Variants in IQSEC1 observed in about 807,000 individuals in gnomAD.
IQSEC1 encodes the protein IQ motif and SEC7 domain-containing protein 1.
A neutral mutation model predicts 91.0 loss-of-function variants in IQSEC1; 31 were observed. That is an observed-to-expected ratio of 0.34 (90% CI 0.26 to 0.46). The LOEUF (loss-of-function observed/expected upper bound fraction) is 0.46, where lower values mean the gene tolerates loss of function less well. Ranked by LOEUF, IQSEC1 falls within the 20% of genes least tolerant of loss-of-function variation. IQSEC1 has a pLI of 1.00. For missense variants in IQSEC1, 1,388 were observed against 1,575.6 expected (o/e 0.88, Z 2.02); for synonymous variants, 699 against 662.6 (o/e 1.05, Z -0.84).
intron 1 of IQSEC1, among the ~76,000 whole-genome samples, chr3:13,056,060 G>A (rs531437841): frequency 2.0e-5 from 3 of 152,162 alleles, no homozygotes; most frequent in East Asian, 1.9e-4. Context: ...TGAGTGTCTC[G>A]GGTCAGGCCA....
intron 2 of IQSEC1, among the ~76,000 whole-genome samples, chr3:13,143,468 G>A (rs546046263): frequency 1.3e-5 from 2 of 152,350 alleles, no homozygotes; most frequent in South Asian, 2.1e-4. Context: ...AGAGGACGCA[G>A]AGCCTTGGCC....
intron 1 of IQSEC1, among the ~76,000 whole-genome samples, chr3:12,966,450 C>T (rs1026060513): frequency 6.6e-6 from 1 of 152,214 alleles, no homozygotes. Context: ...GCCCCACCCC[C>T]CTGCTCCTCA....
At chr3:13,253,824 T>C (rs536591417) in intron 1 of IQSEC1, among the ~76,000 whole-genome samples, 2 of 152,236 alleles carry the variant, frequency 1.3e-5, no homozygotes, top group Admixed American at 1.3e-4. Flanking sequence ...CACCCATGCT[T>C]TTCCAAGTGC....
intron 1 of IQSEC1, among the ~76,000 whole-genome samples, chr3:13,280,885 G>GGT (rs1695777138): frequency 1.3e-5 from 2 of 152,376 alleles, no homozygotes. Flanking sequence ...GGGGAAGCCA[G>GGT]GTGGACACAG....
chr3:12,955,451 G>A (rs944299153), intron 1 of IQSEC1, among the ~76,000 whole-genome samples: 3 of 152,212 alleles, frequency 2.0e-5, no homozygotes, highest in African/African-American at 7.2e-5. Flanking sequence ...GGGCTGTGAG[G>A]CTCTGGATAG....
intron 12 of IQSEC1, 105 bp from the exon 13 acceptor site, chr3:12,902,927 G>A: frequency 1.3e-5 from 11 of 869,630 alleles, no homozygotes; most frequent in Non-Finnish European, 1.9e-5. Context: ...CCTGCTGGGA[G>A]CAGGCACAGG....
In IQSEC1 at chr3:12,935,994, G is replaced by T; in HGVS notation, c.1022C>A (p.Thr341Lys). The T allele has an allele frequency of 1.2e-6, 2 of 1,600,024 alleles. No individual in the cohort carries two copies. The highest frequency in any genetic ancestry group is 2.2e-5 in the South Asian group (2 of 91,060). ...ALAHKEDKAD[T>K]DTSCRSTPSL... ...CGGCGTGCTCCGGCAGCTCGTGTCC[G>T]TGTCAGCCTTGTCCTCTTTGTGGGC... The change falls in exon 3 of 14, where the codon ACG (threonine) becomes AAG (lysine). Residue 341 changes from threonine to lysine, a missense_variant. Around this residue, in one of 2 missense-constraint regions of IQSEC1, gnomAD observed 1,059 missense variants for 1,317.8 expected, o/e 0.80. Transcript: ENST00000613206. This position sits in a 1 kb window ranked among gnomAD's most constrained non-coding sequence, Gnocchi z 8.0.
chr3:13,154,270 G>A (rs943641485), intron 2 of IQSEC1, among the ~76,000 whole-genome samples: 1 of 150,110 alleles, frequency 6.7e-6, no homozygotes, highest in African/African-American at 2.5e-5. Context: ...GCATGTTCAA[G>A]GCTGTGCACC....
At chr3:12,955,591 TG>T (rs1699851380) in intron 1 of IQSEC1, among the ~76,000 whole-genome samples, 1 of 152,220 alleles carries the variant, frequency 6.6e-6, no homozygotes. Flanking sequence ...CCCCACATGC[TG>T]GGGACCAGAG....
At position 13,087,388 on chromosome 3, in the gene IQSEC1, G is replaced by A. The variant is rs542357316; in HGVS notation, c.303-39866C>T. 1.6e-3 allele frequency among the ~76,000 whole-genome samples: 246 copies of A among 152,316 alleles called. 4 individuals are homozygous for A. Among genetic ancestry groups the A allele is most frequent in the South Asian group, 7.9e-3 (38 of 4,814 alleles). On this transcript the variant is annotated intron_variant, in intron 2 of 15. Coordinates refer to the IQSEC1 transcript ENST00000648114. ...TGGTGCAGGAGAGGCTCTCGGTGCA[G>A]AAAGAGCCCCAGAGTGTGTGCAGGA...
intron 1 of IQSEC1, among the ~76,000 whole-genome samples, chr3:13,238,203 C>T (rs1225700736): frequency 1.3e-5 from 2 of 152,224 alleles, no homozygotes; most frequent in African/African-American, 2.4e-5. Context: ...GGTCACCGCC[C>T]TCCACCTGCT....
At chr3:12,959,312 G>A (rs1048411281) in intron 1 of IQSEC1, among the ~76,000 whole-genome samples, 2 of 152,182 alleles carry the variant, frequency 1.3e-5, no homozygotes, top group Non-Finnish European at 2.9e-5. Flanking sequence ...GAAAGCCAGG[G>A]CAACAGGGAG....
intron 2 of IQSEC1, among the ~76,000 whole-genome samples, chr3:13,119,775 C>T (rs144763823): frequency 8.7e-4 from 132 of 152,216 alleles, no homozygotes; most frequent in African/African-American, 3.0e-3. Context: ...CAAGGATAGG[C>T]GGCAGGAGAG....
intron 2 of IQSEC1, among the ~76,000 whole-genome samples, chr3:13,123,853 G>C (rs1706466592): frequency 6.6e-6 from 1 of 152,228 alleles, no homozygotes. Flanking sequence ...ACAGACTCTA[G>C]GTTATGACAG....
chr3:13,067,282 C>G (rs574605499), intron 1 of IQSEC1, among the ~76,000 whole-genome samples: 1 of 152,194 alleles, frequency 6.6e-6, no homozygotes, highest in Admixed American at 6.5e-5. Flanking sequence ...GGGGCTGTGT[C>G]GTCAGTAGGC....
At chr3:13,183,403 T>G (rs1693879200) in intron 1 of IQSEC1, among the ~76,000 whole-genome samples, 1 of 139,302 alleles carries the variant, frequency 7.2e-6, no homozygotes. Context: ...CTATCTCCAT[T>G]AAAAATACAA....
At chr3:13,202,506 C>G (rs1041114205) in intron 1 of IQSEC1, among the ~76,000 whole-genome samples, 3 of 152,160 alleles carry the variant, frequency 2.0e-5, no homozygotes, top group Admixed American at 6.5e-5. Flanking sequence ...GAGGACGTTA[C>G]TCTAGGTGAC....
intron 1 of IQSEC1, among the ~76,000 whole-genome samples, chr3:13,271,843 A>T (rs991157312): frequency 7.9e-5 from 12 of 152,178 alleles, no homozygotes; most frequent in African/African-American, 2.7e-4. Flanking sequence ...TAAGAATAAC[A>T]ATTGGAGACA....
At chr3:12,910,248 AGACCCCTGGAATGACGGCAT>A in intron 10 of IQSEC1, among the ~76,000 whole-genome samples, 1 of 152,356 alleles carries the variant, frequency 6.6e-6, no homozygotes, top group East Asian at 1.9e-4. Flanking sequence ...TGTCAGTTTG[AGACCCCTGGAATGACGGCAT>A]GTCCTATAGA....
Sources: gnomAD v4.1 joint callset for allele counts (sites outside exome capture counted in the v4.1 genomes callset) on GRCh38, gnomAD v4.1.1 for gene constraint, gnomAD v4.1.1 regional missense constraint, Gnocchi (gnomAD v3.1) non-coding constraint, MANE v1.5 for transcripts, NCBI Gene and HGNC (gene_info 2026-07-23, HGNC 2026-07-21) for gene names.